RPP40: variants seen among roughly 807,000 people sequenced by gnomAD.
The protein encoded by RPP40 is ribonuclease P/MRP subunit p40.
In RPP40, 30 loss-of-function variants were observed where a neutral mutation model predicts 42.5. The ratio of observed to expected loss-of-function variants is 0.71; its 90% CI spans 0.53 to 0.96. The LOEUF is 0.96. Ranked by LOEUF, RPP40 falls within the 40% of genes least tolerant of loss-of-function variation. The pLI, the probability that RPP40 is intolerant of heterozygous loss-of-function variation, is 0.00. For synonymous variants in RPP40, 173 were observed against 164.0 expected (o/e 1.05, Z -0.42); for missense variants, 426 against 433.5 (o/e 0.98, Z 0.15).
chr6:4,995,234 C>G lies in RPP40; in HGVS notation c.936G>C (p.Leu312=), dbSNP rs756472526. 2 of 1,614,004 alleles carry G rather than the reference C, an allele frequency of 1.2e-6. No individual in the cohort carries two copies. Among genetic ancestry groups the G allele is most frequent in the Non-Finnish European group, 1.7e-6 (2 of 1,179,994 alleles). Residue 312 remains leucine (L), a synonymous_variant, in exon 8 of 8, where the codon CTG becomes CTC. Transcript: ENST00000380051. ...DEPKLAPWVT[L]SVQGFADSPV... is the part of the protein sequence containing the mutation. Reference sequence around the variant, plus strand: ...GGCTGTCTGCAAAGCCTTGAACGGACAGTGTAACCCATGGAGCTAACTTCG... The same window carrying G: ...GGCTGTCTGCAAAGCCTTGAACGGAGAGTGTAACCCATGGAGCTAACTTCG...
chr6:4,996,505 A>C, intron 5 of RPP40, 85 bp from the exon 6 acceptor site: 1 of 1,222,940 alleles, frequency 8.2e-7, no homozygotes, highest in Non-Finnish European at 1.2e-6. Flanking sequence ...ACCCATTCCC[A>C]TCTGAGCGGT....
At chr6:4,995,482 G>A (rs972655800) in intron 7 of RPP40, among the ~76,000 whole-genome samples, 5 of 152,116 alleles carry the variant, frequency 3.3e-5, no homozygotes, top group African/African-American at 9.7e-5. Context: ...TACAACACAT[G>A]AAACAAACCT....
At chr6:4,992,066 G>C (rs1451117269), downstream of RPP40, among the ~76,000 whole-genome samples, 1 of 152,162 alleles carries the variant, frequency 6.6e-6, no homozygotes, top group Non-Finnish European at 1.5e-5. Context: ...GGCCAGGTGT[G>C]GTGGCCCATG....
At chr6:4,990,650 ATT>A (rs34478088), downstream of RPP40, among the ~76,000 whole-genome samples, 4,165 of 131,500 alleles carry the variant, frequency 0.032, 177 homozygotes, top group African/African-American at 0.11. Context: ...TGCCTGGCTA[ATT>A]TTTTTTTTTT....
chr6:4,994,898 T>G lies in RPP40; in HGVS notation c.*180A>C, dbSNP rs1246986. 127,119 of 606,000 alleles carry G rather than the reference T, an allele frequency of 0.21. 13,960 individuals carry two copies. The highest frequency in any genetic ancestry group is 0.29 in the African/African-American group (15,796 of 54,042). The allele number at this position is 606,000 out of a possible 1,614,324, so 37.5% of individuals were successfully genotyped here. A position where few individuals can be genotyped will look rare whatever the true frequency, so the allele number is the denominator to read the frequency against. ...GAGAAATCAACTATGAGCTATTCACTGGACAGCAGGCCTTGCTGCCATCAC... is the reference window on the plus strand; with the variant it reads ...GAGAAATCAACTATGAGCTATTCACGGGACAGCAGGCCTTGCTGCCATCAC... On this transcript the variant is annotated 3_prime_UTR_variant, in exon 8 of 8. Transcript: ENST00000380051.
chr6:4,994,249 G>C (rs1280251406), downstream of RPP40, among the ~76,000 whole-genome samples: 2 of 129,800 alleles, frequency 1.5e-5, no homozygotes, highest in Non-Finnish European at 3.2e-5. Context: ...CCTGTTGTGG[G>C]GTGGGGGGAG....
chr6:5,003,359 A>AAAAAG (rs1759636046), intron 1 of RPP40, among the ~76,000 whole-genome samples: 1 of 149,618 alleles, frequency 6.7e-6, no homozygotes, highest in African/African-American at 2.5e-5. Flanking sequence ...AAAAAAAAAA[A>AAAAAG]AAAAAAAAGG....
downstream of RPP40, among the ~76,000 whole-genome samples, chr6:4,989,717 T>C (rs275250): frequency 0.3 from 45,293 of 152,060 alleles, 7,300 homozygotes; most frequent in African/African-American, 0.43. Flanking sequence ...TGATTGCAAA[T>C]GTTGATTTTT....
At chr6:4,996,500 T>G in intron 5 of RPP40, 80 bp from the exon 6 acceptor site, 1 of 1,276,716 alleles carries the variant, frequency 7.8e-7, no homozygotes, top group Non-Finnish European at 1.1e-6. Flanking sequence ...AACCCACCCA[T>G]TCCCATCTGA....
Position 5,002,122 on chromosome 6 carries a change from T to G in RPP40, c.247A>C (p.Ile83Leu). The change falls in exon 2 of 8, where the codon ATC becomes CTC. Residue 83 changes from isoleucine (I) to leucine (L), a missense_variant. Physicochemically the swap from Ile to Leu is conservative, Grantham distance 5 (BLOSUM62 2). Transcript: ENST00000380051. ...PLHELITPEFISTFIKKGSCY... is the reference protein window; with the variant it reads ...PLHELITPEFLSTFIKKGSCY... ...TTACCTTTCTTTATAAAGGTACTGATGAATTCAGGTGTAATTAATTCATGA... is the reference window on the plus strand; with the variant it reads ...TTACCTTTCTTTATAAAGGTACTGAGGAATTCAGGTGTAATTAATTCATGA... 1 of 1,613,188 alleles carries G rather than the reference T, an allele frequency of 6.2e-7. No individual in the cohort carries two copies. The highest frequency in any genetic ancestry group is 1.3e-5 in the African/African-American group (1 of 75,022).
chr6:4,999,533 A>G (rs2127541959), intron 4 of RPP40, among the ~76,000 whole-genome samples: 1 of 152,184 alleles, frequency 6.6e-6, no homozygotes, highest in South Asian at 2.1e-4. Flanking sequence ...TCTTGACCTC[A>G]TGATCCGCCC....
At chr6:4,997,976 C>G (rs527466318) in intron 5 of RPP40, among the ~76,000 whole-genome samples, 10 of 152,320 alleles carry the variant, frequency 6.6e-5, no homozygotes, top group African/African-American at 1.9e-4. Context: ...TTTCTGCCCT[C>G]TTTTCTATCT....
intron 5 of RPP40, among the ~76,000 whole-genome samples, chr6:4,997,875 G>T (rs1293450308): frequency 6.6e-6 from 1 of 152,212 alleles, no homozygotes. Context: ...CCTTAAAATA[G>T]TTAGGAGCTT....
chr6:5,002,702 G>A (rs1759600473), intron 1 of RPP40, among the ~76,000 whole-genome samples: 1 of 152,218 alleles, frequency 6.6e-6, no homozygotes, highest in Non-Finnish European at 1.5e-5. Context: ...AAGAATCTAT[G>A]TGCAAGCAAT....
chr6:4,990,640 T>G (rs918945074), downstream of RPP40, among the ~76,000 whole-genome samples: 3 of 145,170 alleles, frequency 2.1e-5, no homozygotes, highest in Non-Finnish European at 4.5e-5. Context: ...TGTGCTACCA[T>G]GCCTGGCTAA....
At position 4,996,231 on chromosome 6, in the gene RPP40, T is replaced by C; in HGVS notation, c.749A>G (p.Asn250Ser). 1 of 1,613,820 alleles carries C rather than the reference T, an allele frequency of 6.2e-7. No individual in the cohort carries two copies. The highest frequency in any genetic ancestry group is 8.5e-7 in the Non-Finnish European group (1 of 1,179,888). The change falls in exon 6 of 8, where the codon AAT becomes AGT. Residue 250 changes from asparagine to serine, a missense_variant. Physicochemically the swap from Asn to Ser is conservative, Grantham distance 46. Coordinates refer to ENST00000380051, the MANE Select transcript of RPP40 (RefSeq NM_006638.4). ...LFDWLGAVFS[N>S]VDLNNEPNNF... ...GAGTTCAGATACCCACAGGTCGACA[T>C]TACTGAAGACGGCGCCGAGCCAGTC...
downstream of RPP40, among the ~76,000 whole-genome samples, chr6:4,994,547 C>T (rs1264170783): frequency 1.3e-5 from 2 of 152,180 alleles, no homozygotes; most frequent in Non-Finnish European, 2.9e-5. Context: ...GAGGCATTAG[C>T]GTGAGAACAC....
At chr6:4,999,189 A>T (rs915314838) in intron 4 of RPP40, among the ~76,000 whole-genome samples, 6 of 151,954 alleles carry the variant, frequency 3.9e-5, no homozygotes, top group African/African-American at 1.5e-4. Context: ...CTCTTCACTC[A>T]TGGGTGAATT....
At chr6:4,999,657 T>A (rs898186416) in intron 4 of RPP40, 152 bp downstream of exon 4, 3 of 578,276 alleles carry the variant, frequency 5.2e-6, no homozygotes, top group Non-Finnish European at 9.4e-6. Context: ...AAAAGCATCA[T>A]CCTATCCTCT....
Sources: gnomAD v4.1 joint callset for allele counts (sites outside exome capture counted in the v4.1 genomes callset) on GRCh38, gnomAD v4.1.1 for gene constraint, MANE v1.5 for transcripts, NCBI Gene and HGNC (gene_info 2026-07-23, HGNC 2026-07-21) for gene names.